KLHL14: variants seen among roughly 807,000 people sequenced by gnomAD.
The protein encoded by KLHL14 is kelch like family member 14.
A neutral mutation model predicts 64.3 loss-of-function variants in KLHL14; 22 were observed. That is an observed-to-expected ratio of 0.34 (90% CI 0.24 to 0.49). The LOEUF (loss-of-function observed/expected upper bound fraction) is 0.49. Ranked by LOEUF, KLHL14 falls within the 20% of genes least tolerant of loss-of-function variation. KLHL14 has a pLI of 0.99. For missense variants in KLHL14, 661 were observed against 789.0 expected (o/e 0.84, Z 1.94); for synonymous variants, 322 against 333.4 (o/e 0.97, Z 0.37).
At chr18:32,728,500 A>C (rs1427947906) in intron 3 of KLHL14, among the ~76,000 whole-genome samples, 3 of 152,170 alleles carry the variant, frequency 2.0e-5, no homozygotes, top group African/African-American at 7.2e-5. Flanking sequence ...CTCTAGGTGT[A>C]ATGAGTTGAA....
intron 4 of KLHL14, among the ~76,000 whole-genome samples, chr18:32,689,561 A>T (rs1315225897): frequency 6.6e-6 from 1 of 152,154 alleles, no homozygotes; most frequent in Non-Finnish European, 1.5e-5. Flanking sequence ...AAGAAAGTGG[A>T]GGTAAGAGGA....
rs2049799131 is a variant in KLHL14 at position 32,674,150 on chromosome 18, G to T, written c.*507C>A. ...TAATCTTACATGATTTTCAATAACA[G>T]TGTTGCCAATGGAGTCTGTGAAGTA... On this transcript the variant is annotated 3_prime_UTR_variant, in exon 9 of 9. Transcript: ENST00000359358. 1 of 152,712 alleles carries T rather than the reference G, an allele frequency of 6.5e-6. No homozygotes were observed. The highest frequency in any genetic ancestry group is 2.1e-4 in the South Asian group (1 of 4,844). 9.5% of individuals were successfully genotyped at this position (152,712 alleles called of 1,614,324 possible).
intron 3 of KLHL14, among the ~76,000 whole-genome samples, chr18:32,739,000 G>A (rs530806440): frequency 6.6e-6 from 1 of 151,902 alleles, no homozygotes; most frequent in Non-Finnish European, 1.5e-5. Flanking sequence ...CTCTTTCTAA[G>A]AGGAGCATGT....
At chr18:32,725,349 T>A (rs2144514415) in intron 3 of KLHL14, among the ~76,000 whole-genome samples, 1 of 152,320 alleles carries the variant, frequency 6.6e-6, no homozygotes, top group South Asian at 2.1e-4. Flanking sequence ...TTTTTATTCC[T>A]TACTTCTTTT....
At chr18:32,767,638 G>C (rs1295750686) in intron 2 of KLHL14, among the ~76,000 whole-genome samples, 1 of 152,202 alleles carries the variant, frequency 6.6e-6, no homozygotes, top group Non-Finnish European at 1.5e-5. Flanking sequence ...CACCAGGACA[G>C]AGCCAGCAGG....
chr18:32,701,680 TAGG>T (rs1304428340), intron 3 of KLHL14, among the ~76,000 whole-genome samples: 5 of 152,084 alleles, frequency 3.3e-5, no homozygotes, highest in South Asian at 2.1e-4. Flanking sequence ...ATTGAGGTTG[TAGG>T]AGGGAAAGAA....
At chr18:32,760,072 G>T (rs748955447) in intron 2 of KLHL14, among the ~76,000 whole-genome samples, 2 of 152,118 alleles carry the variant, frequency 1.3e-5, no homozygotes, top group Non-Finnish European at 2.9e-5. Context: ...TTTGAGGGGT[G>T]CTCAAAATCA....
intron 2 of KLHL14, among the ~76,000 whole-genome samples, chr18:32,742,512 C>T (rs1455413694): frequency 6.6e-6 from 1 of 152,146 alleles, no homozygotes; most frequent in Non-Finnish European, 1.5e-5. Context: ...TTTAATCACC[C>T]AGGGAACTTC....
intron 3 of KLHL14, among the ~76,000 whole-genome samples, chr18:32,728,360 C>T (rs1314244493): frequency 6.6e-6 from 1 of 152,184 alleles, no homozygotes; most frequent in African/African-American, 2.4e-5. Flanking sequence ...GTCTCTGTGC[C>T]TCCATTTCTG....
intron 3 of KLHL14, among the ~76,000 whole-genome samples, chr18:32,727,840 T>A (rs1212609777): frequency 1.3e-5 from 2 of 151,996 alleles, no homozygotes; most frequent in Middle Eastern, 3.4e-3. Flanking sequence ...GACAGAGGAG[T>A]ACCCCCATGT....
At chr18:32,715,094 C>A (rs1178159004) in intron 3 of KLHL14, among the ~76,000 whole-genome samples, 1 of 152,096 alleles carries the variant, frequency 6.6e-6, no homozygotes, top group Non-Finnish European at 1.5e-5. Context: ...TATGTACAGA[C>A]ACCTAGCAGG....
At chr18:32,740,548 C>G (rs1313709154) in intron 3 of KLHL14, among the ~76,000 whole-genome samples, 2 of 152,130 alleles carry the variant, frequency 1.3e-5, no homozygotes, top group Non-Finnish European at 2.9e-5. Context: ...TTCTTTCTAT[C>G]CAGGCTTTCA....
intron 3 of KLHL14, among the ~76,000 whole-genome samples, chr18:32,729,141 A>G (rs1379889291): frequency 6.6e-6 from 1 of 152,184 alleles, no homozygotes; most frequent in Non-Finnish European, 1.5e-5. Context: ...CTCAGTACCT[A>G]GAATGAGGCT....
Position 32,674,432 on chromosome 18 carries a change from A to T in KLHL14, c.*225T>A, listed in dbSNP as rs1568061184. 15 of 456,374 alleles carry T rather than the reference A, an allele frequency of 3.3e-5. 1 individual carries two copies. In the East Asian group the frequency reaches 4.7e-4, roughly 14 times the overall value. The allele number at this position is 456,374 out of a possible 1,614,324, so 28.3% of individuals were successfully genotyped here. On this transcript the variant is annotated 3_prime_UTR_variant, in exon 9 of 9. Coordinates refer to ENST00000359358, the MANE Select transcript of KLHL14 (RefSeq NM_020805.3). ...TGGGATAAGTTAAAACCAGTCTGAA[A>T]TGGAAGAGTCTGTCACCACAGGAAG...
chr18:32,686,946 CT>C (rs1477991311), intron 5 of KLHL14, among the ~76,000 whole-genome samples: 1 of 151,996 alleles, frequency 6.6e-6, no homozygotes, highest in Non-Finnish European at 1.5e-5. Context: ...CATTTTTTTT[CT>C]TCCTACATTA....
intron 3 of KLHL14, among the ~76,000 whole-genome samples, chr18:32,704,729 A>C (rs1009034726): frequency 6.6e-6 from 1 of 152,126 alleles, no homozygotes; most frequent in African/African-American, 2.4e-5. Flanking sequence ...CTCAAAAAAA[A>C]AGAATCATAT....
At chr18:32,674,883 G>C in intron 8 of KLHL14, 86 bp from the exon 9 acceptor site, 1 of 658,634 alleles carries the variant, frequency 1.5e-6, no homozygotes, top group Non-Finnish European at 2.8e-6. Context: ...TTAATATATT[G>C]AAAAGAAAAT....
chr18:32,770,255 C>T lies in KLHL14; in HGVS notation c.337G>A (p.Asp113Asn). 2 of 1,595,928 alleles carry T rather than the reference C, an allele frequency of 1.3e-6. No individual in the cohort carries two copies. Among genetic ancestry groups the T allele is most frequent in the Non-Finnish European group, 8.6e-7 (1 of 1,169,202 alleles). Reference protein sequence around the residue: ...EPGTPSSSPDDKLLTSPRAIN... With the variant: ...EPGTPSSSPDNKLLTSPRAIN... ...GCCCGGGGGCTGGTCAGCAGCTTGT[C>T]GTCGGGGGAGGAAGAAGGAGTCCCG... Residue 113 changes from aspartate to asparagine, a missense_variant, in exon 2 of 9, where the codon GAC (aspartate) becomes AAC (asparagine). Asp to Asn is a conservative substitution (Grantham distance 23). This residue lies in a region of KLHL14 where 331 missense variants were observed against 339.0 expected (regional missense o/e 0.98). Coordinates refer to ENST00000359358, the MANE Select transcript of KLHL14 (RefSeq NM_020805.3). This position sits in a 1 kb window ranked among gnomAD's most constrained non-coding sequence, Gnocchi z 6.7.
chr18:32,698,488 G>A (rs539230003), intron 3 of KLHL14, among the ~76,000 whole-genome samples: 1 of 152,306 alleles, frequency 6.6e-6, no homozygotes, highest in Non-Finnish European at 1.5e-5. Context: ...GAGACAGACA[G>A]GTGGGGCTGT....
Sources: gnomAD v4.1 joint callset for allele counts (sites outside exome capture counted in the v4.1 genomes callset) on GRCh38, gnomAD v4.1.1 for gene constraint, gnomAD v4.1.1 regional missense constraint, Gnocchi (gnomAD v3.1) non-coding constraint, MANE v1.5 for transcripts, NCBI Gene and HGNC (gene_info 2026-07-23, HGNC 2026-07-21) for gene names.